The following BAHCC1 variants were observed in gnomAD, a reference collection of about 807,000 sequenced individuals.
BAHCC1 encodes the protein BAH domain and coiled-coil containing 1.
A neutral mutation model predicts 88.2 loss-of-function variants in BAHCC1; 43 were observed. That is an observed-to-expected ratio of 0.49 (90% CI 0.38 to 0.63). The LOEUF (loss-of-function observed/expected upper bound fraction) is 0.63. Ranked by LOEUF, BAHCC1 falls within the 20% of genes least tolerant of loss-of-function variation. The probability of loss-of-function intolerance (pLI) is 0.00; values close to 1 mark genes in which losing one functional copy is unlikely to be tolerated. For synonymous variants in BAHCC1, 1,510 were observed against 745.5 expected (o/e 2.03, Z -16.71); for missense variants, 3,023 against 1,654.8 (o/e 1.83, Z -14.34).
chr17:81,451,735 G>T lies in BAHCC1; in HGVS notation c.4044G>T (p.Leu1348=). ...HLATLATAWS[L]VEAAGLDSST... ...CCACGCTGGCCACAGCCTGGTCCCT[G>T]GTGGAGGCCGCTGGCCTGGACAGCT... The change falls in exon 12 of 28, where the codon CTG becomes CTT. Residue 1348 remains leucine, a synonymous_variant. Transcript: ENST00000675386. 1.3e-6 allele frequency: 1 copy of T among 775,704 alleles called. No individual in the cohort carries two copies. 48.1% of individuals were successfully genotyped at this position (775,704 alleles called of 1,614,324 possible).
chr17:81,438,814 G>GCCCTGCAGCC (rs2064373206), intron 4 of BAHCC1, among the ~76,000 whole-genome samples: 1 of 152,126 alleles, frequency 6.6e-6, no homozygotes, highest in Non-Finnish European at 1.5e-5. Flanking sequence ...ACCTGGCCTT[G>GCCCTGCAGCC]CCCTGCAGCC....
intron 26 of BAHCC1, 100 bp from the exon 27 acceptor site, chr17:81,462,622 GCACACTCACACTCAGACT>G (rs1480366186): frequency 1.8e-5 from 11 of 624,672 alleles, no homozygotes; most frequent in Middle Eastern, 3.6e-4. Flanking sequence ...TGGGCGCCCT[GCACACTCACACTCAGACT>G]CACACTCACA....
intron 11 of BAHCC1, among the ~76,000 whole-genome samples, chr17:81,449,082 G>A (rs2064585471): frequency 6.6e-6 from 1 of 152,206 alleles, no homozygotes; most frequent in Admixed American, 6.5e-5. Context: ...CTGTGTGAAT[G>A]CCTGCAGGAC....
chr17:81,457,002 C>G (rs897789457), intron 16 of BAHCC1, among the ~76,000 whole-genome samples: 1 of 152,118 alleles, frequency 6.6e-6, no homozygotes, highest in African/African-American at 2.4e-5. Flanking sequence ...TAGAAGCTTC[C>G]TTTCTTCTGC....
chr17:81,457,695 G>A (rs1241304920), intron 17 of BAHCC1, 103 bp downstream of exon 17: 76 of 604,480 alleles, frequency 1.3e-4, no homozygotes, highest in Admixed American at 5.8e-4. Context: ...AACCAGGAGG[G>A]AGGGCAGGGT....
intron 27 of BAHCC1, among the ~76,000 whole-genome samples, chr17:81,463,375 T>A (rs936330621): frequency 1.4e-4 from 22 of 152,098 alleles, no homozygotes; most frequent in African/African-American, 4.1e-4. Flanking sequence ...TCAGGGAAAT[T>A]AGTATTTCTC....
At chr17:81,403,450 C>T (rs933481259) in intron 2 of BAHCC1, among the ~76,000 whole-genome samples, 5 of 150,784 alleles carry the variant, frequency 3.3e-5, no homozygotes, top group Non-Finnish European at 7.4e-5. Context: ...TACTTCTTTC[C>T]TGCTGAAAAA....
At chr17:81,462,177 T>G in intron 26 of BAHCC1, 131 bp downstream of exon 26, 2 of 596,980 alleles carry the variant, frequency 3.4e-6, no homozygotes, top group East Asian at 5.6e-5. Context: ...TGTGGAAAAC[T>G]CAAGGGAAGA....
At chr17:81,402,410 T>A (rs1555646227) in intron 2 of BAHCC1, 1 of 152,054 alleles carries the variant, frequency 6.6e-6, no homozygotes, top group African/African-American at 2.4e-5. Context: ...TGCTTTGGTC[T>A]GTGTCTATAT....
chr17:81,404,553 G>T (rs371900371), intron 2 of BAHCC1, among the ~76,000 whole-genome samples: 1 of 152,218 alleles, frequency 6.6e-6, no homozygotes, highest in East Asian at 1.9e-4. Context: ...CAGGAGGCTG[G>T]AGGAGGATGG....
rs553821391 is a variant in BAHCC1, at chr17:81,461,067, G to T, written c.6404G>T (p.Arg2135Leu). Residue 2135 changes from arginine (R) to leucine (L), a missense_variant, in exon 26 of 28, where the codon CGC becomes CTC. Coordinates refer to ENST00000675386, the MANE Select transcript of BAHCC1 (RefSeq NM_001377448.1). ...LNGSSKKLRA[R>L]EALFPVHSVA... The stretch of plus-strand genomic sequence containing the variant: ...GGCAGCAGCAAGAAGCTGCGGGCCC[G>T]CGAGGCCCTGTTCCCCGTGCACAGC... 7 of 770,228 alleles carry T rather than the reference G, an allele frequency of 9.1e-6. No homozygotes were observed. The highest frequency in any genetic ancestry group is 2.4e-5 in the East Asian group (1 of 41,120). The allele number at this position is 770,228 out of a possible 1,614,324, so 47.7% of individuals were successfully genotyped here.
chr17:81,431,867 A>G (rs2064264779), intron 3 of BAHCC1, among the ~76,000 whole-genome samples: 1 of 152,138 alleles, frequency 6.6e-6, no homozygotes, highest in Non-Finnish European at 1.5e-5. Flanking sequence ...GGAGCCAGGG[A>G]CTTAGCCAGG....
intron 1 of BAHCC1, among the ~76,000 whole-genome samples, chr17:81,397,565 G>C (rs1555645117): frequency 6.6e-6 from 1 of 151,752 alleles, no homozygotes; most frequent in African/African-American, 2.4e-5. Context: ...CTTTCCCTTT[G>C]TCCCGCCCGG....
Position 81,462,100 on chromosome 17 carries a change from G to T in BAHCC1, c.7383+54G>T, listed in dbSNP as rs1555659684. The T allele has an allele frequency of 4.4e-6, 3 of 684,892 alleles. No individual in the cohort carries two copies. The African/African-American group carries it at 5.3e-5, about 12-fold the overall frequency. The allele number at this position is 684,892 out of a possible 1,614,324, so 42.4% of individuals were successfully genotyped here. A position where few individuals can be genotyped will look rare whatever the true frequency, so the allele number is the denominator to read the frequency against. On this transcript the variant is annotated intron_variant, in intron 26 of 27. Transcript: ENST00000675386. ...CCTGGTTCCCAAGGAAACCGGGGCG[G>T]GCTCATGCGCCCCTGCTGCCCTTCC... is the stretch of plus-strand genomic sequence containing the variant.
At chr17:81,400,433 A>G (rs182880883) in intron 2 of BAHCC1, among the ~76,000 whole-genome samples, 123 of 151,580 alleles carry the variant, frequency 8.1e-4, no homozygotes, top group African/African-American at 2.8e-3. Flanking sequence ...TCCTGTTTCT[A>G]TATAAAGCCT....
At chr17:81,431,646 C>T in intron 3 of BAHCC1, among the ~76,000 whole-genome samples, 1 of 152,338 alleles carries the variant, frequency 6.6e-6, no homozygotes, top group East Asian at 1.9e-4. Flanking sequence ...GATGACTGCA[C>T]TTCTGTTATG....
chr17:81,437,223 C>T (rs1308088218), intron 3 of BAHCC1, among the ~76,000 whole-genome samples: 1 of 152,232 alleles, frequency 6.6e-6, no homozygotes, highest in Non-Finnish European at 1.5e-5. Context: ...AACGTCTTCT[C>T]CTCAGGCCTA....
intron 7 of BAHCC1, 23 bp from the exon 8 acceptor site, chr17:81,444,645 C>T (rs376928533): frequency 7.8e-6 from 6 of 768,434 alleles, no homozygotes; most frequent in Admixed American, 1.7e-5. Context: ...CGAGGCCTGA[C>T]CACTGTGCCC....
intron 2 of BAHCC1, among the ~76,000 whole-genome samples, chr17:81,416,318 G>A (rs1598462178): frequency 1.4e-5 from 2 of 145,896 alleles, no homozygotes; most frequent in South Asian, 2.2e-4. Flanking sequence ...GGGTGTATGC[G>A]TGTGTGTCCA....
Sources: allele counts gnomAD v4.1 joint callset (sites outside exome capture counted in the v4.1 genomes callset), GRCh38; gene constraint gnomAD v4.1.1; transcripts MANE v1.5; gene names NCBI Gene and HGNC (gene_info 2026-07-23, HGNC 2026-07-21).